The following CHST11 variants were observed in gnomAD, a reference collection of about 807,000 sequenced individuals.
The protein encoded by CHST11 is C4S-1.
CHST11 carries 9 observed loss-of-function variants against 30.4 expected under a neutral mutation model. The observed-to-expected ratio is 0.30, with a 90% CI of 0.18 to 0.52. CHST11 has a LOEUF of 0.52. CHST11 is among the 20% of genes least tolerant of loss of function. CHST11 has a pLI of 0.97. For missense variants in CHST11, 348 were observed against 460.6 expected (o/e 0.76, Z 2.24); for synonymous variants, 152 against 187.8 (o/e 0.81, Z 1.56).
rs541036311 is a variant in CHST11, at chr12:104,634,202, A to T, written c.204+32211A>T. On this transcript the variant is annotated intron_variant, in intron 2 of 2. Coordinates refer to ENST00000303694, the MANE Select transcript of CHST11 (RefSeq NM_018413.6). Reference sequence around the variant, plus strand: ...CCACTAGACTGGAAGCTCCATGAGGACAGGGCCATATCTGTCTCGTTCACA... The same window carrying T: ...CCACTAGACTGGAAGCTCCATGAGGTCAGGGCCATATCTGTCTCGTTCACA... 3.7e-4 allele frequency among the ~76,000 whole-genome samples: 56 copies of T among 152,314 alleles called. No homozygotes were observed. In the South Asian group the frequency reaches 7.5e-3, roughly 20 times the overall value.
At chr12:104,677,707 C>T (rs1275336482) in intron 2 of CHST11, among the ~76,000 whole-genome samples, 1 of 152,266 alleles carries the variant, frequency 6.6e-6, no homozygotes, top group Non-Finnish European at 1.5e-5. Context: ...AAATGTGGCG[C>T]ATAGCTGCGC....
chr12:104,540,571 C>A (rs1038475691), intron 1 of CHST11, among the ~76,000 whole-genome samples: 1 of 152,208 alleles, frequency 6.6e-6, no homozygotes, highest in African/African-American at 2.4e-5. Context: ...CCCCAGTGAC[C>A]TGAGGCCCCT....
At chr12:104,660,282 C>G (rs2136087632) in intron 2 of CHST11, among the ~76,000 whole-genome samples, 1 of 152,306 alleles carries the variant, frequency 6.6e-6, no homozygotes, top group African/African-American at 2.4e-5. Flanking sequence ...AGAGGAAAGT[C>G]TTTCGTTCCC....
At chr12:104,741,641 G>A (rs745799560) in intron 2 of CHST11, among the ~76,000 whole-genome samples, 3 of 152,158 alleles carry the variant, frequency 2.0e-5, no homozygotes, top group Admixed American at 6.5e-5. Flanking sequence ...CTAAGTTGCC[G>A]CCAATTGCCT....
intron 1 of CHST11, among the ~76,000 whole-genome samples, chr12:104,517,803 G>A (rs2135985869): frequency 6.6e-6 from 1 of 152,368 alleles, no homozygotes; most frequent in East Asian, 1.9e-4. Flanking sequence ...AGGATGTGGT[G>A]TTCCTTAAGC....
chr12:104,698,720 A>G (rs950846733), intron 2 of CHST11, among the ~76,000 whole-genome samples: 5 of 152,238 alleles, frequency 3.3e-5, no homozygotes. Context: ...TACTGGAGAC[A>G]TGATTGAAGG....
chr12:104,486,748 C>T (rs1205020435), intron 1 of CHST11, among the ~76,000 whole-genome samples: 1 of 152,184 alleles, frequency 6.6e-6, no homozygotes, highest in Non-Finnish European at 1.5e-5. Flanking sequence ...CCTGAGCCGA[C>T]TGAAGGGGAA....
intron 1 of CHST11, among the ~76,000 whole-genome samples, chr12:104,596,783 A>G (rs1165271423): frequency 2.6e-5 from 4 of 152,134 alleles, no homozygotes; most frequent in African/African-American, 9.7e-5. Flanking sequence ...GCTACGTGGT[A>G]GTTTATTTTG....
chr12:104,556,733 C>A (rs1307327988), intron 1 of CHST11, among the ~76,000 whole-genome samples: 1 of 152,192 alleles, frequency 6.6e-6, no homozygotes, highest in East Asian at 1.9e-4. Context: ...GTAATCCCAG[C>A]ACTTTGGGAG....
intron 1 of CHST11, among the ~76,000 whole-genome samples, chr12:104,588,306 C>T (rs117999012): frequency 6.6e-6 from 1 of 152,292 alleles, no homozygotes; most frequent in African/African-American, 2.4e-5. Flanking sequence ...TATGTACTTA[C>T]CAGTTCTGGA....
Position 104,544,847 on chromosome 12 carries a change from C to T in CHST11, c.119-57059C>T, listed in dbSNP as rs1447838545. 2.8e-5 allele frequency among the ~76,000 whole-genome samples: 4 copies of T among 141,306 alleles called. No individual in the cohort carries two copies. The East Asian group carries it at 9.8e-4, about 35-fold the overall frequency. 92.7% of individuals were successfully genotyped at this position (141,306 alleles called of 152,430 possible). On this transcript the variant is annotated intron_variant, in intron 1 of 2. Transcript: ENST00000303694. ...TAATACTAAAGTCATTTTCGCTTCCCTCTGAATTACTGCAGTAAATTTATA... is the reference window on the plus strand; with the variant it reads ...TAATACTAAAGTCATTTTCGCTTCCTTCTGAATTACTGCAGTAAATTTATA...
chr12:104,505,029 AC>A (rs775292358), intron 1 of CHST11, among the ~76,000 whole-genome samples: 56 of 152,264 alleles, frequency 3.7e-4, no homozygotes, highest in Admixed American at 9.8e-4. Flanking sequence ...TCAGTGACAG[AC>A]CTGTAGCCAA....
At chr12:104,596,649 A>C (rs902770245) in intron 1 of CHST11, among the ~76,000 whole-genome samples, 1 of 152,206 alleles carries the variant, frequency 6.6e-6, no homozygotes, top group Non-Finnish European at 1.5e-5. Flanking sequence ...TCTCAAGTGC[A>C]AAGTGGGACT....
chr12:104,663,853 T>C (rs2039619136), intron 2 of CHST11, among the ~76,000 whole-genome samples: 1 of 152,208 alleles, frequency 6.6e-6, no homozygotes, highest in Admixed American at 6.5e-5. Context: ...GTTCCCTTTC[T>C]TCCACCCATC....
At chr12:104,504,454 C>T (rs112944198) in intron 1 of CHST11, among the ~76,000 whole-genome samples, 4,925 of 152,268 alleles carry the variant, frequency 0.032, 279 homozygotes, top group African/African-American at 0.11. Flanking sequence ...GTGGGCAGCC[C>T]GTGCTGGGCT....
intron 1 of CHST11, among the ~76,000 whole-genome samples, chr12:104,485,959 G>A (rs903222012): frequency 6.6e-6 from 1 of 152,194 alleles, no homozygotes. Context: ...GTTAAAAGCT[G>A]GAGCATAAGT....
At chr12:104,521,449 G>A (rs562871672) in intron 1 of CHST11, among the ~76,000 whole-genome samples, 52 of 152,306 alleles carry the variant, frequency 3.4e-4, no homozygotes, top group Non-Finnish European at 2.1e-4. Flanking sequence ...GAGATGGCAA[G>A]GAATTCAAAG....
chr12:104,690,104 C>T (rs2039883873), intron 2 of CHST11, among the ~76,000 whole-genome samples: 1 of 152,166 alleles, frequency 6.6e-6, no homozygotes, highest in South Asian at 2.1e-4. Flanking sequence ...ATAATTTATT[C>T]CCATGTAGCC....
chr12:104,670,163 AG>A (rs958243517), intron 2 of CHST11, among the ~76,000 whole-genome samples: 2 of 152,192 alleles, frequency 1.3e-5, no homozygotes, highest in Admixed American at 6.5e-5. Context: ...AGAGGGAGGA[AG>A]GGGGGTCCAC....
Sources: allele counts gnomAD v4.1 joint callset (sites outside exome capture counted in the v4.1 genomes callset), GRCh38; gene constraint gnomAD v4.1.1; transcripts MANE v1.5; gene names NCBI Gene and HGNC (gene_info 2026-07-23, HGNC 2026-07-21).